The following MCM9 variants were observed in gnomAD, a reference collection of about 807,000 sequenced individuals.
MCM9 encodes DNA helicase MCM9.
Under a neutral mutation model 72.8 loss-of-function variants are expected in MCM9, and 55 were observed. That is an observed-to-expected ratio of 0.76 (90% CI 0.61 to 0.95). The LOEUF is 0.95. MCM9 is among the 40% of genes least tolerant of loss of function. The pLI, the probability that MCM9 is intolerant of heterozygous loss-of-function variation, is 0.00. For missense variants in MCM9, 1,279 were observed against 1,377.0 expected, an observed-to-expected ratio of 0.93 and a Z score of 1.13; for synonymous variants, 480 against 503.4, an observed-to-expected ratio of 0.95 and a Z score of 0.62.
chr6:118,894,903 G>A (rs1779256416), intron 8 of MCM9, among the ~76,000 whole-genome samples: 1 of 152,074 alleles, frequency 6.6e-6, no homozygotes. Context: ...CGGAGGCTGG[G>A]AAGGGAGAGG....
intron 8 of MCM9, chr6:118,907,383 T>C: frequency 6.6e-7 from 1 of 1,524,622 alleles, no homozygotes; most frequent in Non-Finnish European, 9.0e-7. Context: ...ACCATTTGTA[T>C]GTTTCCTTTT....
chr6:118,868,428 A>C (rs1411786774), intron 8 of MCM9, among the ~76,000 whole-genome samples: 1 of 152,222 alleles, frequency 6.6e-6, no homozygotes, highest in East Asian at 1.9e-4. Flanking sequence ...ATGGGATCTA[A>C]TTAAACTAAA....
intron 5 of MCM9, 44 bp downstream of exon 5, chr6:118,921,961 T>C: frequency 6.8e-7 from 1 of 1,464,126 alleles, no homozygotes; most frequent in South Asian, 1.2e-5. Context: ...ATCAATACTT[T>C]AGGACTACCT....
intron 8 of MCM9, among the ~76,000 whole-genome samples, chr6:118,873,833 G>T (rs1182479857): frequency 6.6e-6 from 1 of 152,152 alleles, no homozygotes; most frequent in Non-Finnish European, 1.5e-5. Context: ...GAAAACTGCA[G>T]TCCATATCTT....
intron 9 of MCM9, among the ~76,000 whole-genome samples, chr6:118,833,323 T>C (rs1399930442): frequency 6.6e-6 from 1 of 151,964 alleles, no homozygotes; most frequent in Non-Finnish European, 1.5e-5. Context: ...GGAAAAAAAA[T>C]TGCTTCTAGA....
intron 12 of MCM9, 41 bp downstream of exon 12, chr6:118,826,741 T>G: frequency 2.1e-6 from 3 of 1,438,926 alleles, no homozygotes; most frequent in Non-Finnish European, 2.8e-6. Context: ...AAAAGAAAGT[T>G]TGTAATTAGG....
chr6:118,926,330 C>T (rs1781892141), intron 3 of MCM9, among the ~76,000 whole-genome samples: 1 of 152,144 alleles, frequency 6.6e-6, no homozygotes, highest in African/African-American at 2.4e-5. Context: ...TAACATTAGC[C>T]TACAGTTGGG....
intron 13 of MCM9, among the ~76,000 whole-genome samples, chr6:118,821,909 T>C (rs1344839458): frequency 3.9e-5 from 6 of 152,202 alleles, no homozygotes; most frequent in Admixed American, 2.0e-4. Context: ...TCACGCTTGA[T>C]TGATTTGAGT....
intron 8 of MCM9, among the ~76,000 whole-genome samples, chr6:118,863,992 T>C (rs1562415094): frequency 1.3e-5 from 2 of 151,556 alleles, no homozygotes; most frequent in South Asian, 2.1e-4. Flanking sequence ...AAGACAGAGA[T>C]TGTCAGAATT....
chr6:118,855,795 C>T (rs568926872), intron 9 of MCM9, among the ~76,000 whole-genome samples: 1 of 152,280 alleles, frequency 6.6e-6, no homozygotes, highest in Non-Finnish European at 1.5e-5. Context: ...CATTTCAGTG[C>T]CTGTGTGAGA....
intron 8 of MCM9, chr6:118,911,013 CTG>C: frequency 1.0e-6 from 1 of 985,196 alleles, no homozygotes; most frequent in Non-Finnish European, 1.2e-6. Context: ...CCAATCAAAA[CTG>C]TAAAAATACA....
At chr6:118,861,689 G>C (rs1209588180) in intron 8 of MCM9, among the ~76,000 whole-genome samples, 1 of 152,180 alleles carries the variant, frequency 6.6e-6, no homozygotes, top group Admixed American at 6.5e-5. Flanking sequence ...GCTGGGTCTG[G>C]GGTTTTTGTG....
In MCM9 at chr6:118,875,879, T is replaced by C. The variant is rs138597797; in HGVS notation, c.1151-19334A>G. Reference sequence around the variant, plus strand: ...CATACAACCCAGCAGCTGTGCTCCATGGTGTTTACATAAGGCACTGGAAAG... The same window carrying C: ...CATACAACCCAGCAGCTGTGCTCCACGGTGTTTACATAAGGCACTGGAAAG... On this transcript the variant is annotated intron_variant, in intron 8 of 13. Coordinates refer to ENST00000619706, the MANE Select transcript of MCM9 (RefSeq NM_017696.3). 2.7e-3 allele frequency among the ~76,000 whole-genome samples: 405 copies of C among 152,258 alleles called. 2 individuals are homozygous for C. The highest frequency in any genetic ancestry group is 9.4e-3 in the African/African-American group (391 of 41,536).
At chr6:118,852,608 C>G (rs1776302795) in intron 9 of MCM9, among the ~76,000 whole-genome samples, 3 of 152,140 alleles carry the variant, frequency 2.0e-5, no homozygotes. Flanking sequence ...TACACTGTTA[C>G]CAAGCAGGGA....
chr6:118,926,365 T>C (rs193231729), intron 3 of MCM9, among the ~76,000 whole-genome samples: 25 of 152,314 alleles, frequency 1.6e-4, no homozygotes, highest in African/African-American at 5.5e-4. Context: ...ACAAGGCCTA[T>C]TTTATAATTA....
chr6:118,885,175 G>A (rs983078350), intron 8 of MCM9, among the ~76,000 whole-genome samples: 1 of 152,046 alleles, frequency 6.6e-6, no homozygotes, highest in Non-Finnish European at 1.5e-5. Flanking sequence ...CAGCATGGGA[G>A]ACAGAGCACT....
intron 8 of MCM9, among the ~76,000 whole-genome samples, chr6:118,905,273 A>G (rs1479094000): frequency 6.6e-6 from 1 of 152,250 alleles, no homozygotes; most frequent in Admixed American, 6.5e-5. Context: ...TGAGGAGATC[A>G]TTTAATACTT....
intron 12 of MCM9, 61 bp from the exon 13 acceptor site, chr6:118,826,353 C>G (rs557450923): frequency 6.7e-7 from 1 of 1,485,734 alleles, no homozygotes; most frequent in Admixed American, 2.4e-5. Context: ...GGTAAGTACA[C>G]TCTAGGGACC....
intron 3 of MCM9, among the ~76,000 whole-genome samples, chr6:118,925,954 A>C (rs978296505): frequency 1.3e-5 from 2 of 152,242 alleles, no homozygotes; most frequent in African/African-American, 2.4e-5. Flanking sequence ...TTCACATGCC[A>C]TAAAATTTAC....
Sources: gnomAD v4.1 joint callset for allele counts (sites outside exome capture counted in the v4.1 genomes callset) on GRCh38, gnomAD v4.1.1 for gene constraint, MANE v1.5 for transcripts, NCBI Gene and HGNC (gene_info 2026-07-23, HGNC 2026-07-21) for gene names.